Variants in ARMH4 observed in about 807,000 individuals in gnomAD.
ARMH4 encodes armadillo-like helical domain-containing protein 4.
Under a neutral mutation model 61.9 loss-of-function variants are expected in ARMH4, and 49 were observed. The ratio of observed to expected loss-of-function variants is 0.79; its 90% CI spans 0.63 to 1.00. ARMH4 has a LOEUF of 1.00. Among genes scored for constraint, ARMH4 ranks in the 50% least tolerant of loss-of-function variants. The pLI is 0.00. For missense variants in ARMH4, 934 were observed against 930.0 expected (o/e 1.00, Z -0.06); for synonymous variants, 368 against 341.5 (o/e 1.08, Z -0.85).
At chr14:58,014,094 C>T (rs1454549207) in intron 5 of ARMH4, among the ~76,000 whole-genome samples, 3 of 152,094 alleles carry the variant, frequency 2.0e-5, no homozygotes, top group Non-Finnish European at 1.5e-5. Flanking sequence ...GTAAGACTTT[C>T]GAACTACCAA....
intron 5 of ARMH4, among the ~76,000 whole-genome samples, chr14:58,072,860 G>C (rs1207077238): frequency 6.6e-6 from 1 of 152,132 alleles, no homozygotes; most frequent in East Asian, 1.9e-4. Flanking sequence ...AGGGTGTTTG[G>C]ATGTCACCCT....
rs1411216820 is a variant in ARMH4 at position 58,003,707 on chromosome 14, C to T, written c.*1029G>A. ...CTGGTTTCCCATGAGCTCTGTTGTTCACCAGGACTCTGGCCACTGGGCAGA... is the reference window on the plus strand; with the variant it reads ...CTGGTTTCCCATGAGCTCTGTTGTTTACCAGGACTCTGGCCACTGGGCAGA... On this transcript the variant is annotated 3_prime_UTR_variant, in exon 8 of 8. Coordinates refer to ENST00000267485, the MANE Select transcript of ARMH4 (RefSeq NM_001001872.4). 6.6e-6 allele frequency: 1 copy of T among 152,180 alleles called. No homozygotes were observed. The highest frequency in any genetic ancestry group is 2.4e-5 in the African/African-American group (1 of 41,442). 9.4% of individuals were successfully genotyped at this position (152,180 alleles called of 1,614,324 possible). A position where few individuals can be genotyped will look rare whatever the true frequency, so the allele number is the denominator to read the frequency against.
chr14:58,123,676 C>A (rs533921820), intron 4 of ARMH4, among the ~76,000 whole-genome samples: 1 of 152,294 alleles, frequency 6.6e-6, no homozygotes, highest in South Asian at 2.1e-4. Flanking sequence ...CATCCTGACT[C>A]TCAATTCTTG....
At chr14:58,116,060 G>C (rs998368960) in intron 4 of ARMH4, 3 of 152,162 alleles carry the variant, frequency 2.0e-5, no homozygotes, top group African/African-American at 7.3e-5. Flanking sequence ...AAACCTAAAA[G>C]TTGAAAGAAA....
intron 5 of ARMH4, among the ~76,000 whole-genome samples, chr14:58,052,663 C>T (rs1254558489): frequency 6.6e-6 from 1 of 152,088 alleles, no homozygotes; most frequent in Non-Finnish European, 1.5e-5. Flanking sequence ...ATAGTAGTTC[C>T]TCAGGGTCCA....
chr14:58,106,687 T>C (rs1247617920), intron 4 of ARMH4, among the ~76,000 whole-genome samples: 1 of 152,228 alleles, frequency 6.6e-6, no homozygotes, highest in Non-Finnish European at 1.5e-5. Flanking sequence ...TACATGGGGC[T>C]TTCCTTCCAA....
intron 5 of ARMH4, among the ~76,000 whole-genome samples, chr14:58,020,557 T>C (rs903212842): frequency 1.3e-5 from 2 of 152,130 alleles, no homozygotes; most frequent in African/African-American, 4.8e-5. Context: ...GTTGCTCTAT[T>C]ATCTTTCTCT....
intron 4 of ARMH4, among the ~76,000 whole-genome samples, chr14:58,103,525 C>CAA (rs796318397): frequency 6.7e-6 from 1 of 149,758 alleles, no homozygotes; most frequent in Admixed American, 6.7e-5. Context: ...CCGCCCCCCC[C>CAA]AAAAAAAAAC....
chr14:58,114,020 T>G (rs1272222056), intron 4 of ARMH4, among the ~76,000 whole-genome samples: 1 of 152,136 alleles, frequency 6.6e-6, no homozygotes, highest in Admixed American at 6.5e-5. Context: ...TAAGCCAATC[T>G]TACTTGGCTT....
intron 1 of ARMH4, among the ~76,000 whole-genome samples, chr14:58,149,057 T>G (rs1289029498): frequency 6.6e-6 from 1 of 152,262 alleles, no homozygotes; most frequent in Admixed American, 6.5e-5. Flanking sequence ...CTTTCCACTT[T>G]GTCCTTTTCA....
intron 5 of ARMH4, among the ~76,000 whole-genome samples, chr14:58,026,164 T>G (rs977733606): frequency 6.6e-6 from 1 of 152,088 alleles, no homozygotes; most frequent in African/African-American, 2.4e-5. Context: ...AAGGCTGTCA[T>G]GAACTTCAAC....
At chr14:58,110,191 T>C (rs1886306607) in intron 4 of ARMH4, among the ~76,000 whole-genome samples, 1 of 152,224 alleles carries the variant, frequency 6.6e-6, no homozygotes, top group Non-Finnish European at 1.5e-5. Flanking sequence ...CTTTCCGCTT[T>C]TCTAAGCTTT....
chr14:58,096,066 C>A (rs1035772541), intron 5 of ARMH4, among the ~76,000 whole-genome samples: 1 of 152,098 alleles, frequency 6.6e-6, no homozygotes, highest in Non-Finnish European at 1.5e-5. Flanking sequence ...TGAGGAGCGG[C>A]CTGCATCCTC....
chr14:58,052,251 C>T (rs568102157), intron 5 of ARMH4, among the ~76,000 whole-genome samples: 14 of 152,278 alleles, frequency 9.2e-5, no homozygotes, highest in South Asian at 4.1e-4. Context: ...TCATTTCCTC[C>T]ACCACACCTG....
At chr14:58,050,340 C>T (rs755536911) in intron 5 of ARMH4, among the ~76,000 whole-genome samples, 1 of 152,200 alleles carries the variant, frequency 6.6e-6, no homozygotes, top group Non-Finnish European at 1.5e-5. Flanking sequence ...GCAGTTCAGG[C>T]CACACCAGCC....
chr14:58,091,515 C>G (rs769279079), intron 5 of ARMH4, among the ~76,000 whole-genome samples: 1 of 152,032 alleles, frequency 6.6e-6, no homozygotes, highest in Non-Finnish European at 1.5e-5. Context: ...TTTCTATAAT[C>G]TATAACTGAA....
At chr14:58,038,552 T>TA (rs71448937) in intron 5 of ARMH4, among the ~76,000 whole-genome samples, 25,797 of 136,498 alleles carry the variant, frequency 0.19, 2,831 homozygotes, top group East Asian at 0.54. Context: ...TAAAGTATAA[T>TA]AAAAAAAAAT....
At chr14:58,052,605 T>C (rs1355180870) in intron 5 of ARMH4, among the ~76,000 whole-genome samples, 1 of 152,142 alleles carries the variant, frequency 6.6e-6, no homozygotes, top group African/African-American at 2.4e-5. Flanking sequence ...GGCTGCTCCT[T>C]CTCAGCTTCT....
intron 5 of ARMH4, among the ~76,000 whole-genome samples, chr14:58,029,692 AAG>A (rs1365683163): frequency 6.6e-6 from 1 of 152,218 alleles, no homozygotes; most frequent in African/African-American, 2.4e-5. Context: ...TAAAAAAAGA[AAG>A]AGAAAATTAA....
Sources: gnomAD v4.1 joint callset for allele counts (sites outside exome capture counted in the v4.1 genomes callset) on GRCh38, gnomAD v4.1.1 for gene constraint, MANE v1.5 for transcripts, NCBI Gene and HGNC (gene_info 2026-07-23, HGNC 2026-07-21) for gene names.